The following UNC79 variants were observed in gnomAD, a reference collection of about 807,000 sequenced individuals.
UNC79 encodes unc-79 subunit of NALCN channel complex.
A neutral mutation model predicts 283.1 loss-of-function variants in UNC79; 37 were observed. That is an observed-to-expected ratio of 0.13 (90% CI 0.10 to 0.17). The LOEUF (loss-of-function observed/expected upper bound fraction) is 0.17. UNC79 is among the 10% of genes least tolerant of loss of function. The pLI is 1.00. For synonymous variants in UNC79, 1,107 were observed against 1,200.2 expected (o/e 0.92, Z 1.61); for missense variants, 2,272 against 3,211.1 (o/e 0.71, Z 7.07).
intron 1 of UNC79, among the ~76,000 whole-genome samples, chr14:93,400,584 C>A (rs73343915): frequency 0.089 from 13,520 of 152,052 alleles, 652 homozygotes; most frequent in Middle Eastern, 0.13. Flanking sequence ...CCTTTTAAGG[C>A]AGAAATGTAG....
intron 1 of UNC79, among the ~76,000 whole-genome samples, chr14:93,420,159 C>A: frequency 1.4e-5 from 2 of 147,818 alleles, no homozygotes; most frequent in Non-Finnish European, 1.5e-5. Context: ...AATCAAAAGA[C>A]ATGGAATGGC....
At chr14:93,691,537 C>A in intron 45 of UNC79, 2 of 596,442 alleles carry the variant, frequency 3.4e-6, no homozygotes, top group Non-Finnish European at 3.0e-6. Flanking sequence ...AAAAAATGTG[C>A]TTTGTTCTCT....
chr14:93,595,089 C>CTGTT (rs934742555), intron 23 of UNC79, among the ~76,000 whole-genome samples: 2 of 129,648 alleles, frequency 1.5e-5, no homozygotes, highest in African/African-American at 5.7e-5. Flanking sequence ...TTTTTTTTTT[C>CTGTT]TGTTTGTTTG....
chr14:93,473,633 A>G (rs570887073), intron 2 of UNC79, among the ~76,000 whole-genome samples: 28 of 152,346 alleles, frequency 1.8e-4, no homozygotes, highest in Admixed American at 1.8e-3. Flanking sequence ...TGCAAGTGCC[A>G]TACCTATATT....
chr14:93,407,536 A>G (rs1247460730), intron 1 of UNC79, among the ~76,000 whole-genome samples: 2 of 152,180 alleles, frequency 1.3e-5, no homozygotes, highest in Non-Finnish European at 2.9e-5. Context: ...CTGGCAGGGG[A>G]GAGGAAAATA....
At chr14:93,409,606 T>G (rs1207817645) in intron 1 of UNC79, among the ~76,000 whole-genome samples, 1 of 152,164 alleles carries the variant, frequency 6.6e-6, no homozygotes, top group Non-Finnish European at 1.5e-5. Context: ...AAGGATTGCA[T>G]GAGGCTAGGA....
intron 1 of UNC79, among the ~76,000 whole-genome samples, chr14:93,346,476 G>C (rs2053832508): frequency 6.6e-6 from 1 of 152,164 alleles, no homozygotes; most frequent in Admixed American, 6.5e-5. Context: ...AGTGAGACCT[G>C]TCTCTACAAA....
At chr14:93,658,050 C>T (rs747129464) in intron 38 of UNC79, among the ~76,000 whole-genome samples, 2 of 152,156 alleles carry the variant, frequency 1.3e-5, no homozygotes, top group African/African-American at 2.4e-5. Flanking sequence ...ACATCAACTC[C>T]GATGAGTGTC....
intron 1 of UNC79, among the ~76,000 whole-genome samples, chr14:93,366,297 A>G (rs2054331496): frequency 6.6e-6 from 1 of 152,294 alleles, no homozygotes; most frequent in East Asian, 1.9e-4. Context: ...AAGGATATAA[A>G]TGTTATCACA....
At chr14:93,367,802 T>C (rs2054365342) in intron 1 of UNC79, among the ~76,000 whole-genome samples, 3 of 152,210 alleles carry the variant, frequency 2.0e-5, no homozygotes, top group Non-Finnish European at 1.5e-5. Context: ...ATTTACTCTC[T>C]TCATCTCTGA....
intron 38 of UNC79, 43 bp downstream of exon 41, chr14:93,655,450 AT>A (rs2070813050): frequency 1.3e-6 from 2 of 1,596,628 alleles, no homozygotes; most frequent in African/African-American, 1.3e-5. Context: ...ATTTCTTACC[AT>A]TTTCAGACCG....
intron 7 of UNC79, among the ~76,000 whole-genome samples, chr14:93,498,111 A>G (rs1051240866): frequency 4.8e-5 from 7 of 146,528 alleles, no homozygotes; most frequent in African/African-American, 1.0e-4. Flanking sequence ...CCTGGCCAAC[A>G]TGTAAAAATT....
intron 4 of UNC79, among the ~76,000 whole-genome samples, chr14:93,480,807 G>A (rs1299769410): frequency 1.3e-5 from 2 of 152,130 alleles, no homozygotes; most frequent in African/African-American, 2.4e-5. Context: ...AGACAAGAAC[G>A]CATAACTTCT....
intron 34 of UNC79, among the ~76,000 whole-genome samples, chr14:93,644,240 G>A (rs983271213): frequency 2.0e-5 from 3 of 152,156 alleles, no homozygotes; most frequent in Non-Finnish European, 4.4e-5. Flanking sequence ...GAGAGATTAC[G>A]CTTAGCTGCT....
chr14:93,439,088 G>T (rs1310284353), intron 1 of UNC79, among the ~76,000 whole-genome samples: 1 of 151,798 alleles, frequency 6.6e-6, no homozygotes, highest in Non-Finnish European at 1.5e-5. Context: ...TTTTCTTTTT[G>T]TAGTCATTTT....
intron 32 of UNC79, among the ~76,000 whole-genome samples, chr14:93,639,336 T>C (rs1293240283): frequency 1.3e-5 from 2 of 152,244 alleles, no homozygotes; most frequent in African/African-American, 4.8e-5. Flanking sequence ...ATGTGGAGTA[T>C]TGAATTTAAA....
chr14:93,673,538 T>A, intron 41 of UNC79, 83 bp downstream of exon 44: 4 of 1,036,440 alleles, frequency 3.9e-6, no homozygotes, highest in Non-Finnish European at 5.7e-6. Context: ...AGTGTATGCA[T>A]AGAACTAAAT....
At chr14:93,633,412 AC>A (rs1479586190) in intron 31 of UNC79, among the ~76,000 whole-genome samples, 1 of 152,234 alleles carries the variant, frequency 6.6e-6, no homozygotes, top group African/African-American at 2.4e-5. Context: ...TTCACATCAC[AC>A]CAAGTTGCCA....
intron 1 of UNC79, among the ~76,000 whole-genome samples, chr14:93,371,782 A>C (rs555423229): frequency 6.6e-6 from 1 of 152,070 alleles, no homozygotes; most frequent in Non-Finnish European, 1.5e-5. Context: ...CAGAGCTTGC[A>C]GTAAGCCCAG....
Sources: gnomAD v4.1 joint callset for allele counts (sites outside exome capture counted in the v4.1 genomes callset) on GRCh38, gnomAD v4.1.1 for gene constraint, MANE v1.5 for transcripts, NCBI Gene and HGNC (gene_info 2026-07-23, HGNC 2026-07-21) for gene names.